ZC3H13: variants seen among roughly 807,000 people sequenced by gnomAD.
The protein encoded by ZC3H13 is zinc finger CCCH domain-containing protein 13.
A neutral mutation model predicts 204.1 loss-of-function variants in ZC3H13; 64 were observed. The ratio of observed to expected loss-of-function variants is 0.31; its 90% CI spans 0.26 to 0.39. The LOEUF (loss-of-function observed/expected upper bound fraction) is 0.39, where lower values mean the gene tolerates loss of function less well. ZC3H13 is among the 10% of genes least tolerant of loss of function. The pLI, the probability that ZC3H13 is intolerant of heterozygous loss-of-function variation, is 1.00. For missense variants in ZC3H13, 1,833 were observed against 2,082.7 expected (o/e 0.88, Z 2.33); for synonymous variants, 667 against 693.7 (o/e 0.96, Z 0.60).
rs551130432 is a variant in ZC3H13, at chr13:45,970,999, G to A, written c.2469-534C>T. 2.0e-5 allele frequency among the ~76,000 whole-genome samples: 3 copies of A among 152,212 alleles called. No individual in the cohort carries two copies. In the South Asian group the frequency reaches 6.2e-4, roughly 32 times the overall value. On this transcript the variant is annotated intron_variant, in intron 12 of 18. Coordinates refer to ENST00000679008, the MANE Select transcript of ZC3H13 (RefSeq NM_001330564.2). ...AAATGGTGGGTGGGGCTGAATGGGT[G>A]GGAAATGAGAGTCCATTTCATAAAA... is the stretch of plus-strand genomic sequence containing the variant.
intron 4 of ZC3H13, among the ~76,000 whole-genome samples, chr13:46,031,489 AAAT>A (rs2042895366): frequency 6.6e-6 from 1 of 152,132 alleles, no homozygotes; most frequent in African/African-American, 2.4e-5. Flanking sequence ...AAAACCATCA[AAAT>A]AATAAGACAA....
rs1951224901 is a variant in ZC3H13, at chr13:45,955,375, T to C, written c.*1752A>G. ...TGCTGTGACTGAGTGAACAAAGGAA[T>C]AGTTCTAAATTTTCTTTTGCAACAT... On this transcript the variant is annotated 3_prime_UTR_variant, in exon 19 of 19. Coordinates refer to ENST00000679008, the MANE Select transcript of ZC3H13 (RefSeq NM_001330564.2). The C allele has an allele frequency of 6.6e-6, 1 of 152,196 alleles. No homozygotes were observed. Among genetic ancestry groups the C allele is most frequent in the Non-Finnish European group, 1.5e-5 (1 of 68,012 alleles). 9.4% of individuals were successfully genotyped at this position (152,196 alleles called of 1,614,324 possible). A position where few individuals can be genotyped will look rare whatever the true frequency, so the allele number is the denominator to read the frequency against.
chr13:46,046,665 C>A (rs1424398353), intron 1 of ZC3H13, among the ~76,000 whole-genome samples: 1 of 58,246 alleles, frequency 1.7e-5, no homozygotes, highest in Non-Finnish European at 3.2e-5. Context: ...GAGACTCCAT[C>A]TCAAAAAAAA....
rs1204515743 is a variant in ZC3H13, at chr13:46,044,943, T to A, written c.227+12A>T. The stretch of plus-strand genomic sequence containing the variant: ...CTAATAGTACATGAACAATACAAAG[T>A]TCTCAGTTTACCTTCTATAATTGCT... On this transcript the variant is annotated intron_variant, in intron 3 of 18. Coordinates refer to ENST00000679008, the MANE Select transcript of ZC3H13 (RefSeq NM_001330564.2). The A allele has an allele frequency of 1.9e-6, 3 of 1,594,590 alleles. No homozygotes were observed. Among genetic ancestry groups the A allele is most frequent in the Non-Finnish European group, 2.6e-6 (3 of 1,166,872 alleles).
chr13:45,969,972 CTA>C lies in ZC3H13; in HGVS notation c.2573-3_2573-2del. On this transcript the variant is annotated splice_acceptor_variant and splice_polypyrimidine_tract_variant and intron_variant, in intron 13 of 18. Coordinates refer to ENST00000679008, the MANE Select transcript of ZC3H13 (RefSeq NM_001330564.2). LOFTEE classifies it high-confidence loss of function. ...TGGCTCAAGAGTCTGTGTTTTTCATCTATATAAAAGATAAAAGCAATCACACT... is the reference window on the plus strand; with the variant it reads ...TGGCTCAAGAGTCTGTGTTTTTCATCTATAAAAGATAAAAGCAATCACACT... 6.2e-7 allele frequency: 1 copy of C among 1,602,302 alleles called. No individual in the cohort carries two copies. The highest frequency in any genetic ancestry group is 8.5e-7 in the Non-Finnish European group (1 of 1,176,654).
At chr13:46,035,637 T>C (rs1292332105) in intron 4 of ZC3H13, among the ~76,000 whole-genome samples, 1 of 152,260 alleles carries the variant, frequency 6.6e-6, no homozygotes, top group African/African-American at 2.4e-5. Flanking sequence ...TTGATCTATT[T>C]ACCCCTACAG....
At chr13:45,966,957 G>A (rs1952142248) in intron 15 of ZC3H13, among the ~76,000 whole-genome samples, 1 of 152,182 alleles carries the variant, frequency 6.6e-6, no homozygotes. Flanking sequence ...CATGGAGAGT[G>A]AGGTTTCACA....
chr13:45,957,614 G>A (rs4337200), intron 18 of ZC3H13, among the ~76,000 whole-genome samples: 111,539 of 152,044 alleles, frequency 0.73, 41,190 homozygotes, highest in East Asian at 0.8. Flanking sequence ...CACACTGCAC[G>A]TTCTGTTGTT....
chr13:45,963,761 A>G, intron 17 of ZC3H13, 81 bp downstream of exon 17: 8 of 1,591,792 alleles, frequency 5.0e-6, no homozygotes, highest in Non-Finnish European at 6.0e-6. Context: ...TAAGTGCTAC[A>G]TAAGAACAGA....
intron 1 of ZC3H13, among the ~76,000 whole-genome samples, chr13:46,050,060 C>T (rs149233261): frequency 1.8e-4 from 27 of 152,192 alleles, no homozygotes; most frequent in Non-Finnish European, 3.2e-4. Context: ...TTTCCTATTT[C>T]TCCTCTCCAT....
At chr13:45,967,398 A>G in intron 15 of ZC3H13, 106 bp downstream of exon 15, 3 of 1,250,170 alleles carry the variant, frequency 2.4e-6, no homozygotes, top group Non-Finnish European at 3.3e-6. Flanking sequence ...TGGAGAATGG[A>G]GTCAATTTGC....
At chr13:45,972,923 G>A (rs1486172282) in intron 12 of ZC3H13, among the ~76,000 whole-genome samples, 1 of 152,198 alleles carries the variant, frequency 6.6e-6, no homozygotes, top group Non-Finnish European at 1.5e-5. Flanking sequence ...TCAAGTGGAG[G>A]AGAAACAAGA....
At chr13:46,032,979 T>A (rs956153042) in intron 4 of ZC3H13, among the ~76,000 whole-genome samples, 2 of 149,404 alleles carry the variant, frequency 1.3e-5, no homozygotes, top group African/African-American at 5.0e-5. Flanking sequence ...CATATATATG[T>A]AAATATTAAA....
Position 45,979,880 on chromosome 13 carries a change from A to C in ZC3H13, c.1845T>G (p.Asp615Glu). ...TCTCAAAGGAAGAATCCCTTGCTTG[A>C]TCTCTGTTGTCTCTTTCAGGATATC... The part of the protein sequence containing the change: ...RDRYPERDNR[D>E]QARDSSFERR... The change falls in exon 11 of 19, where the codon GAT (aspartate) becomes GAG (glutamate). Residue 615 changes from aspartate (D) to glutamate (E), a missense_variant. Physicochemically the swap from Asp to Glu is conservative, Grantham distance 45 (BLOSUM62 2). Coordinates refer to ENST00000679008, the MANE Select transcript of ZC3H13 (RefSeq NM_001330564.2). 1 of 1,609,022 alleles carries C rather than the reference A, an allele frequency of 6.2e-7. No individual in the cohort carries two copies. The highest frequency in any genetic ancestry group is 8.5e-7 in the Non-Finnish European group (1 of 1,177,596).
chr13:45,991,795 T>C (rs1193876675), intron 8 of ZC3H13, among the ~76,000 whole-genome samples: 2 of 152,180 alleles, frequency 1.3e-5, no homozygotes, highest in African/African-American at 2.4e-5. Flanking sequence ...TTGGTCTGAC[T>C]AGATTCCAAT....
chr13:45,973,829 T>A (rs1470172800), intron 12 of ZC3H13, among the ~76,000 whole-genome samples: 1 of 152,096 alleles, frequency 6.6e-6, no homozygotes, highest in Non-Finnish European at 1.5e-5. Context: ...AAAAAAGGTA[T>A]CTCTGAAGTT....
At chr13:45,975,183 A>T in intron 12 of ZC3H13, 100 bp downstream of exon 12, 1 of 1,485,708 alleles carries the variant, frequency 6.7e-7, no homozygotes, top group Non-Finnish European at 9.0e-7. Flanking sequence ...AGAGAAAAAA[A>T]ATTAACAGGA....
At position 46,003,281 on chromosome 13, in the gene ZC3H13, G is replaced by A; in HGVS notation, c.802C>T (p.Pro268Ser). ...KKGPRTPSPP[P>S]PIPEDIALGK... ...AGAGCGATATCTTCTGGTATAGGAG[G>A]GGGTGGACTAGGAGTACGTGGTCCT... is the stretch of plus-strand genomic sequence containing the variant. The change falls in exon 8 of 19, where the codon CCT (proline) becomes TCT (serine). Residue 268 changes from proline (P) to serine (S), a missense_variant. Physicochemically the swap from Pro to Ser is moderately conservative, Grantham distance 74. Around this residue, in one of 5 missense-constraint regions of ZC3H13, gnomAD observed 1,574 missense variants for 1,757.2 expected, o/e 0.90. Coordinates refer to ENST00000679008, the MANE Select transcript of ZC3H13 (RefSeq NM_001330564.2). The A allele has an allele frequency of 1.9e-6, 3 of 1,612,778 alleles. No individual in the cohort carries two copies. Among genetic ancestry groups the A allele is most frequent in the East Asian group, 2.2e-5 (1 of 44,794 alleles).
chr13:46,005,565 C>T (rs2041075277), intron 7 of ZC3H13, among the ~76,000 whole-genome samples: 1 of 152,152 alleles, frequency 6.6e-6, no homozygotes. Flanking sequence ...TCATGGCTCA[C>T]TGCAGCCTCG....
Sources: gnomAD v4.1 joint callset for allele counts (sites outside exome capture counted in the v4.1 genomes callset) on GRCh38, gnomAD v4.1.1 for gene constraint, gnomAD v4.1.1 regional missense constraint, MANE v1.5 for transcripts, NCBI Gene and HGNC (gene_info 2026-07-23, HGNC 2026-07-21) for gene names.